DBN1: variants seen among roughly 807,000 people sequenced by gnomAD.
The protein encoded by DBN1 is drebrin 1, also known as drebrin.
DBN1 carries 21 observed loss-of-function variants against 83.5 expected under a neutral mutation model. The observed-to-expected ratio is 0.25, with a 90% confidence interval of 0.18 to 0.36. The LOEUF (loss-of-function observed/expected upper bound fraction) is 0.36, where lower values mean the gene tolerates loss of function less well. Ranked by LOEUF, DBN1 falls within the 10% of genes least tolerant of loss-of-function variation. The pLI is 1.00. For missense variants in DBN1, 874 were observed against 935.7 expected (o/e 0.93, Z 0.86); for synonymous variants, 381 against 384.9 (o/e 0.99, Z 0.12).
rs776200495 is a variant in DBN1, at chr5:177,459,643, G to T, written c.1053C>A (p.Ile351=). 1 of 1,582,250 alleles carries T rather than the reference G, an allele frequency of 6.3e-7. No individual in the cohort carries two copies. Among genetic ancestry groups the T allele is most frequent in the Admixed American group, 1.8e-5 (1 of 54,734 alleles). ...AGAGGTTTGGGGTGCGGTGGCAGGT[G>T]ATATAGGGAAAGGGAGTCCGTGGAG... ...SSPPRTPFPY[I]TCHRTPNLSS... The change falls in exon 11 of 15, where the codon ATC becomes ATA. Residue 351 remains isoleucine, a synonymous_variant. Coordinates refer to ENST00000393565, the MANE Select transcript of DBN1 (RefSeq NM_001363541.2).
At chr5:177,465,598 A>G (rs1561684371) in intron 8 of DBN1, among the ~76,000 whole-genome samples, 1 of 152,094 alleles carries the variant, frequency 6.6e-6, no homozygotes, top group African/African-American at 2.4e-5. Context: ...GCTCACGTCT[A>G]TAATCCCAGC....
intron 1 of DBN1, among the ~76,000 whole-genome samples, chr5:177,470,202 C>T (rs1757743349): frequency 1.3e-5 from 2 of 152,194 alleles, no homozygotes; most frequent in African/African-American, 4.8e-5. Flanking sequence ...CCAGCCCCAG[C>T]CTGGCCCTGA....
chr5:177,468,905 G>A lies in DBN1; in HGVS notation c.87-6C>T, dbSNP rs1272391688. The stretch of plus-strand genomic sequence containing the variant: ...CTTCATATGTGTACAGAGCCCTGGG[G>A]AGAGGGAGGGGTGGCTGTCAAACTG... On this transcript the variant is annotated splice_region_variant and splice_polypyrimidine_tract_variant and intron_variant, in intron 1 of 14. Transcript: ENST00000393565. 1.5e-6 allele frequency: 2 copies of A among 1,313,600 alleles called. No homozygotes were observed. Among genetic ancestry groups the A allele is most frequent in the Non-Finnish European group, 2.0e-6 (2 of 1,022,118 alleles). The allele number at this position is 1,313,600 out of a possible 1,614,324, so 81.4% of individuals were successfully genotyped here.
At position 177,473,512 on chromosome 5, in the gene DBN1, C is replaced by A; in HGVS notation, c.10G>T (p.Val4Phe). Residue 4 changes from valine (V) to phenylalanine (F), a missense_variant, in exon 1 of 15, where the codon GTC (valine) becomes TTC (phenylalanine). Transcript: ENST00000393565. ...TCCAGGCGGTGGCCGCTGAAGCTGA[C>A]GCCGGCCATGCTTCGGGCCGGACCG... MAG[V>F]SFSGHRLELL... The A allele has an allele frequency of 7.0e-7, 1 of 1,427,298 alleles. No individual in the cohort carries two copies. Among genetic ancestry groups the A allele is most frequent in the Non-Finnish European group, 9.2e-7 (1 of 1,082,226 alleles). 88.4% of individuals were successfully genotyped at this position (1,427,298 alleles called of 1,614,324 possible).
At position 177,472,222 on chromosome 5, in the gene DBN1, C is replaced by T. The variant is rs769420513; in HGVS notation, c.86+1214G>A. On this transcript the variant is annotated intron_variant, in intron 1 of 14. Transcript: ENST00000393565. Reference sequence around the variant, plus strand: ...GGATGCCCAGCCATCTCATCCTCTCCTCCAGAAGCCCCCAGGTCAGAGTCC... The same window carrying T: ...GGATGCCCAGCCATCTCATCCTCTCTTCCAGAAGCCCCCAGGTCAGAGTCC... 18 of 1,613,642 alleles carry T rather than the reference C, an allele frequency of 1.1e-5. No individual in the cohort carries two copies. In the South Asian group the frequency reaches 1.9e-4, roughly 17 times the overall value.
chr5:177,468,271 A>T, intron 2 of DBN1, 51 bp from the exon 3 acceptor site: 1 of 1,526,668 alleles, frequency 6.6e-7, no homozygotes, highest in Non-Finnish European at 9.1e-7. Context: ...AACCCTTCCC[A>T]AAAAGAGCCT....
chr5:177,461,814 C>T (rs1178776072), intron 8 of DBN1, among the ~76,000 whole-genome samples: 1 of 152,194 alleles, frequency 6.6e-6, no homozygotes, highest in East Asian at 1.9e-4. Flanking sequence ...CTTAAAATCC[C>T]TCAGGGGTTC....
At chr5:177,457,603 C>T in intron 14 of DBN1, 52 bp downstream of exon 14, 1 of 1,530,314 alleles carries the variant, frequency 6.5e-7, no homozygotes, top group East Asian at 2.3e-5. Context: ...TACCCACACT[C>T]AAATCCAGCC....
intron 8 of DBN1, among the ~76,000 whole-genome samples, chr5:177,465,793 T>C (rs1757403992): frequency 6.7e-6 from 1 of 149,072 alleles, no homozygotes; most frequent in Non-Finnish European, 1.5e-5. Flanking sequence ...AGATGGAGGT[T>C]GCAGTGAGCC....
chr5:177,462,943 T>G (rs1403463745), intron 8 of DBN1, among the ~76,000 whole-genome samples: 1 of 152,172 alleles, frequency 6.6e-6, no homozygotes, highest in African/African-American at 2.4e-5. Flanking sequence ...CATGAGCCTG[T>G]GTCCCACCAG....
At chr5:177,463,269 C>G (rs572288531) in intron 8 of DBN1, among the ~76,000 whole-genome samples, 1 of 152,328 alleles carries the variant, frequency 6.6e-6, no homozygotes, top group South Asian at 2.1e-4. Context: ...GATCTCCTGA[C>G]CTCATGATCC....
rs181339744 is a variant in DBN1, at chr5:177,466,898, C to T, written c.707+13G>A. On this transcript the variant is annotated intron_variant, in intron 7 of 14. Coordinates refer to ENST00000393565, the MANE Select transcript of DBN1 (RefSeq NM_001363541.2). This position sits in a 1 kb window ranked among gnomAD's most constrained non-coding sequence, Gnocchi z 4.8. ...CCGGGGGCCCCTGGAGCGCTCCGGG[C>T]GGGCAGGCTCACCTGTGCTCCTCGA... 1.9e-5 allele frequency: 30 copies of T among 1,613,132 alleles called. No homozygotes were observed. The highest frequency in any genetic ancestry group is 2.2e-5 in the East Asian group (1 of 44,852).
chr5:177,457,949 G>C (rs993922028), intron 13 of DBN1, 109 bp downstream of exon 13: 1 of 1,495,346 alleles, frequency 6.7e-7, no homozygotes. Flanking sequence ...CTCAAATAAT[G>C]TGGGTCACAG....
intron 1 of DBN1, among the ~76,000 whole-genome samples, chr5:177,469,153 T>A (rs998651940): frequency 1.1e-4 from 16 of 152,070 alleles, no homozygotes; most frequent in African/African-American, 3.6e-4. Flanking sequence ...GTGCGCAGCA[T>A]CCCGGCCCTG....
At chr5:177,462,279 G>C (rs1179224626) in intron 8 of DBN1, 1 of 985,298 alleles carries the variant, frequency 1.0e-6, no homozygotes, top group Non-Finnish European at 1.2e-6. Flanking sequence ...TCAGTTCCCA[G>C]AACAGGCACA....
chr5:177,458,963 A>T, intron 12 of DBN1, 135 bp downstream of exon 12: 1 of 1,442,660 alleles, frequency 6.9e-7, no homozygotes, highest in Non-Finnish European at 9.1e-7. Flanking sequence ...TCCTCCCCAC[A>T]CAGCCGCCTC....
chr5:177,469,602 C>T (rs1757703551), intron 1 of DBN1, among the ~76,000 whole-genome samples: 1 of 152,244 alleles, frequency 6.6e-6, no homozygotes, highest in Non-Finnish European at 1.5e-5. Flanking sequence ...CTGGCTGAGG[C>T]TTCCTGAGAC....
In DBN1 at chr5:177,466,797, C is replaced by T. The variant is rs1467334987; in HGVS notation, c.746G>A (p.Arg249Lys). 6.2e-7 allele frequency: 1 copy of T among 1,614,220 alleles called. No homozygotes were observed. The highest frequency in any genetic ancestry group is 1.1e-5 in the South Asian group (1 of 91,090). Residue 249 changes from arginine (R) to lysine (K), a missense_variant, in exon 8 of 15, where the codon AGG (arginine) becomes AAG (lysine). Arg to Lys is a conservative substitution (Grantham distance 26). This residue lies in a region of DBN1 where 725 missense variants were observed against 719.7 expected (regional missense o/e 1.01). Coordinates refer to ENST00000393565, the MANE Select transcript of DBN1 (RefSeq NM_001363541.2). This position sits in a 1 kb window ranked among gnomAD's most constrained non-coding sequence, Gnocchi z 4.8. ...AAAGATAGACTGCTCCTTCAACCGC[C>T]TCTTGGCCTCTTCCGCTTCTAAAGT... Reference protein sequence around the residue: ...QQTLEAEEAKRRLKEQSIFGD... With the variant: ...QQTLEAEEAKKRLKEQSIFGD...
In DBN1 at chr5:177,473,482, G is replaced by A; in HGVS notation, c.40C>T (p.Leu14=). 1 of 1,434,956 alleles carries A rather than the reference G, an allele frequency of 7.0e-7. No individual in the cohort carries two copies. Among genetic ancestry groups the A allele is most frequent in the Non-Finnish European group, 9.2e-7 (1 of 1,087,226 alleles). 88.9% of individuals were successfully genotyped at this position (1,434,956 alleles called of 1,614,324 possible). A position where few individuals can be genotyped will look rare whatever the true frequency, so the allele number is the denominator to read the frequency against. ...CGGATCACCTCCTCGTAAGCCGCCA[G>A]CAGCTCCAGGCGGTGGCCGCTGAAG... ...VSFSGHRLEL[L]AAYEEVIREE... Residue 14 remains leucine, a synonymous_variant, in exon 1 of 15, where the codon CTG becomes TTG. Transcript: ENST00000393565.
Sources: allele counts gnomAD v4.1 joint callset (sites outside exome capture counted in the v4.1 genomes callset), GRCh38; gene constraint gnomAD v4.1.1; regional missense constraint gnomAD v4.1.1; non-coding constraint Gnocchi (gnomAD v3.1); transcripts MANE v1.5; gene names NCBI Gene and HGNC (gene_info 2026-07-23, HGNC 2026-07-21).